The following GSDMB variants were observed in gnomAD, a reference collection of about 807,000 sequenced individuals.
The protein encoded by GSDMB is gasdermin B.
A neutral mutation model predicts 42.9 loss-of-function variants in GSDMB; 32 were observed. The observed-to-expected ratio is 0.75, with a 90% CI of 0.56 to 1.00. The LOEUF (loss-of-function observed/expected upper bound fraction) is 1.00, where lower values mean the gene tolerates loss of function less well. GSDMB is among the 50% of genes least tolerant of loss of function. The probability of loss-of-function intolerance (pLI) is 0.00; values close to 1 mark genes in which losing one functional copy is unlikely to be tolerated. For missense variants in GSDMB, 468 were observed against 498.5 expected (o/e 0.94, Z 0.58); for synonymous variants, 175 against 193.7 (o/e 0.90, Z 0.80).
At position 39,908,887 on chromosome 17, in the gene GSDMB, T is replaced by C. The variant is rs898185742; in HGVS notation, c.661+71A>G. The C allele has an allele frequency of 6.6e-5, 64 of 964,948 alleles. No homozygotes were observed. In the African/African-American group the frequency reaches 1.0e-3, roughly 15 times the overall value. 59.8% of individuals were successfully genotyped at this position (964,948 alleles called of 1,614,324 possible). On this transcript the variant is annotated intron_variant, in intron 5 of 10. Coordinates refer to ENST00000418519, the MANE Select transcript of GSDMB (RefSeq NM_001165958.2). ...CCCACCCTAGGCTGACAGAGCCTGG[T>C]TGAATCCCACCCCCCACCTCACTGG...
chr17:39,905,744 CTG>C (rs2063492645), intron 9 of GSDMB, 101 bp downstream of exon 9: 1 of 1,312,384 alleles, frequency 7.6e-7, no homozygotes, highest in Non-Finnish European at 1.1e-6. Context: ...CCCCCATAAA[CTG>C]TGAAGAGCAA....
Position 39,908,527 on chromosome 17 carries a change from A to C in GSDMB, c.662-313T>G, listed in dbSNP as rs572044337. Among the ~76,000 whole-genome samples the C allele has an allele frequency of 3.5e-4, 53 of 151,910 alleles. 1 individual carries two copies. The South Asian group carries it at 0.01, about 29-fold the overall frequency. ...CCCAAGTAGCTGGGATTACAGGCGC[A>C]TACCACCACACCCAGCTAATATTTA... On this transcript the variant is annotated intron_variant, in intron 5 of 10. Transcript: ENST00000418519.
chr17:39,907,097 G>C (rs1415399197), intron 6 of GSDMB, 110 bp from the exon 7 acceptor site: 1 of 1,559,972 alleles, frequency 6.4e-7, no homozygotes, highest in Non-Finnish European at 8.7e-7. Flanking sequence ...AGCCCTCACT[G>C]CTGGTGCCAG....
chr17:39,915,602 ATTTT>A (rs10610202), intron 2 of GSDMB, among the ~76,000 whole-genome samples: 92 of 145,064 alleles, frequency 6.3e-4, no homozygotes, highest in Admixed American at 1.3e-3. Context: ...TGGCAAACTG[ATTTT>A]TTTTTTTTTT....
chr17:39,917,813 C>T (rs1411415744), intron 1 of GSDMB: 2 of 174,320 alleles, frequency 1.1e-5, no homozygotes, highest in Non-Finnish European at 2.5e-5. Context: ...TTCACATGGA[C>T]GCACGTGACA....
At chr17:39,913,275 A>C (rs888796490) in intron 2 of GSDMB, among the ~76,000 whole-genome samples, 2 of 152,212 alleles carry the variant, frequency 1.3e-5, no homozygotes, top group African/African-American at 4.8e-5. Context: ...CAAGACAAAG[A>C]AAAGTAAAGC....
chr17:39,911,531 C>A (rs1333685300), intron 3 of GSDMB, among the ~76,000 whole-genome samples: 1 of 152,104 alleles, frequency 6.6e-6, no homozygotes, highest in Non-Finnish European at 1.5e-5. Context: ...GCTACCAGAA[C>A]CTCTGTGGCA....
chr17:39,905,325 T>C, intron 10 of GSDMB, 101 bp downstream of exon 10: 1 of 783,922 alleles, frequency 1.3e-6, no homozygotes, highest in Non-Finnish European at 2.1e-6. Flanking sequence ...GGCAGAAAAC[T>C]ATGGAATAAG....
At position 39,908,212 on chromosome 17, in the gene GSDMB, T is replaced by A; in HGVS notation, c.664A>T (p.Ile222Phe). 1 of 1,518,614 alleles carries A rather than the reference T, an allele frequency of 6.6e-7. No homozygotes were observed. Among genetic ancestry groups the A allele is most frequent in the Non-Finnish European group, 8.9e-7 (1 of 1,117,554 alleles). The allele number at this position is 1,518,614 out of a possible 1,614,324, so 94.1% of individuals were successfully genotyped here. Residue 222 changes from isoleucine to phenylalanine, a missense_variant and splice_region_variant, in exon 6 of 11, where the codon ATT (isoleucine) becomes TTT (phenylalanine). Coordinates refer to ENST00000418519, the MANE Select transcript of GSDMB (RefSeq NM_001165958.2). Reference sequence around the variant, plus strand: ...GATTTTGTTTTGCCCCTGAAATGAATATCTAAACCAGCACCAAAAAGGGAG... The same window carrying A: ...GATTTTGTTTTGCCCCTGAAATGAAAATCTAAACCAGCACCAAAAAGGGAG... ...LVFPNKETMN[I>F]HFRGKTKSFP...
At position 39,906,263 on chromosome 17, in the gene GSDMB, A is replaced by G; in HGVS notation, c.736T>C (p.Leu246=). 6.2e-7 allele frequency: 1 copy of G among 1,614,118 alleles called. No individual in the cohort carries two copies. Among genetic ancestry groups the G allele is most frequent in the South Asian group, 1.1e-5 (1 of 91,070 alleles). Residue 246 remains leucine (L), a synonymous_variant, in exon 8 of 11, where the codon TTG becomes CTG. Transcript: ENST00000418519. Reference sequence around the variant, plus strand: ...ATGTTTCTGGAATCCTCCGAACCCAAAGACTTTCCTGTAGAGGCAGCAATT... The same window carrying G: ...ATGTTTCTGGAATCCTCCGAACCCAGAGACTTTCCTGTAGAGGCAGCAATT... ...DGASSCLGKS[L]GSEDSRNMKE...
intron 5 of GSDMB, 72 bp downstream of exon 5, chr17:39,908,886 G>T: frequency 2.1e-6 from 2 of 969,536 alleles, no homozygotes; most frequent in Non-Finnish European, 3.2e-6. Context: ...ACAGAGCCTG[G>T]TTGAATCCCA....
Position 39,906,276 on chromosome 17 carries a change from A to G in GSDMB, c.728-5T>C. The G allele has an allele frequency of 6.2e-7, 1 of 1,613,880 alleles. No homozygotes were observed. Among genetic ancestry groups the G allele is most frequent in the Non-Finnish European group, 8.5e-7 (1 of 1,179,902 alleles). On this transcript the variant is annotated splice_region_variant and splice_polypyrimidine_tract_variant and intron_variant, in intron 7 of 10. Transcript: ENST00000418519. ...CCTCCGAACCCAAAGACTTTCCTGT[A>G]GAGGCAGCAATTGAGAACCTGGGCC...
intron 2 of GSDMB, among the ~76,000 whole-genome samples, chr17:39,913,064 A>G: frequency 6.6e-6 from 1 of 152,110 alleles, no homozygotes; most frequent in African/African-American, 2.4e-5. Context: ...CTGAGATCAC[A>G]CCACTGCACT....
intron 7 of GSDMB, chr17:39,906,696 C>CT (rs397770706): frequency 1.8e-5 from 22 of 1,206,624 alleles, no homozygotes; most frequent in Non-Finnish European, 2.1e-5. Flanking sequence ...GCCACACCCC[C>CT]ACAATTAAGT....
intron 4 of GSDMB, 78 bp downstream of exon 4, chr17:39,909,678 C>T: frequency 7.6e-7 from 1 of 1,310,050 alleles, no homozygotes; most frequent in Non-Finnish European, 1.1e-6. Flanking sequence ...AAGGAAGAGT[C>T]TAAGGCTGGC....
intron 2 of GSDMB, among the ~76,000 whole-genome samples, chr17:39,915,837 G>C (rs2144716350): frequency 6.6e-6 from 1 of 152,158 alleles, no homozygotes; most frequent in East Asian, 1.9e-4. Flanking sequence ...AGCTGCTCAG[G>C]GCTGTTAGAG....
At chr17:39,906,350 G>A in intron 7 of GSDMB, 79 bp from the exon 8 acceptor site, 1 of 1,344,966 alleles carries the variant, frequency 7.4e-7, no homozygotes, top group Non-Finnish European at 1.0e-6. Context: ...TTGTCTGACT[G>A]TCTTCTGGAG....
chr17:39,909,371 C>T, intron 4 of GSDMB: 1 of 389,908 alleles, frequency 2.6e-6, no homozygotes, highest in Non-Finnish European at 4.6e-6. Flanking sequence ...AGCAAAAATA[C>T]ACCTGTGTAA....
chr17:39,909,771 G>C lies in GSDMB; in HGVS notation c.561C>G (p.Leu187=), dbSNP rs1286548936. 1.2e-6 allele frequency: 2 copies of C among 1,613,916 alleles called. No homozygotes were observed. The highest frequency in any genetic ancestry group is 1.1e-5 in the South Asian group (1 of 91,066). Residue 187 remains leucine, a synonymous_variant, in exon 4 of 11, where the codon CTC becomes CTG. Coordinates refer to ENST00000418519, the MANE Select transcript of GSDMB (RefSeq NM_001165958.2). ...KFWSQISQGH[L]SYKHKGQREV... ...GGATCCTAACCTTGTGTTTATAGCT[G>C]AGATGGCCCTGAGAGATCTGGCTCC...
Sources: gnomAD v4.1 joint callset for allele counts (sites outside exome capture counted in the v4.1 genomes callset) on GRCh38, gnomAD v4.1.1 for gene constraint, MANE v1.5 for transcripts, NCBI Gene and HGNC (gene_info 2026-07-23, HGNC 2026-07-21) for gene names.